PCDHGA9: variants seen among roughly 807,000 people sequenced by gnomAD.
PCDHGA9 encodes protocadherin gamma subfamily A, 9.
In PCDHGA9, 37 loss-of-function variants were observed where a neutral mutation model predicts 62.5. That is an observed-to-expected ratio of 0.59 (90% confidence interval 0.46 to 0.78). The LOEUF (loss-of-function observed/expected upper bound fraction) is 0.78, where lower values mean the gene tolerates loss of function less well. Ranked by LOEUF, PCDHGA9 falls within the 30% of genes least tolerant of loss-of-function variation. The pLI is 0.00. For missense variants in PCDHGA9, 1,138 were observed against 1,166.2 expected (o/e 0.98, Z 0.35); for synonymous variants, 459 against 484.6 (o/e 0.95, Z 0.69).
chr5:141,412,847 A>G (rs1206334568), intron 1 of PCDHGA9: 1 of 213,282 alleles, frequency 4.7e-6, no homozygotes, highest in Non-Finnish European at 9.1e-6. Flanking sequence ...AGGAGTGGAG[A>G]AACCAAAGAA....
chr5:141,418,848 G>T (rs770294020), intron 1 of PCDHGA9: 1 of 1,613,954 alleles, frequency 6.2e-7, no homozygotes, highest in Non-Finnish European at 8.5e-7. Flanking sequence ...CTCTCAACAC[G>T]GTGTAAAGTA....
chr5:141,486,909 C>A lies in PCDHGA9; in HGVS notation c.2425-7898C>A, dbSNP rs759702188. On this transcript the variant is annotated intron_variant, in intron 1 of 3. Coordinates refer to ENST00000573521, the MANE Select transcript of PCDHGA9 (RefSeq NM_018921.3). The surrounding 1 kb of genome is among the most constrained non-coding windows in gnomAD (Gnocchi z 5.0). ...CGGCCTGGTTCCTTATGTCCCCAAGCACTGCCTCCATCAGTTGGTGCTGGC... is the reference window on the plus strand; with the variant it reads ...CGGCCTGGTTCCTTATGTCCCCAAGAACTGCCTCCATCAGTTGGTGCTGGC... 3.1e-6 allele frequency: 5 copies of A among 1,614,262 alleles called. No individual in the cohort carries two copies. The East Asian group carries it at 1.1e-4, about 36-fold the overall frequency.
At chr5:141,415,801 A>G (rs560476453) in intron 1 of PCDHGA9, 12 of 1,373,384 alleles carry the variant, frequency 8.7e-6, no homozygotes, top group East Asian at 5.3e-5. Flanking sequence ...CCTAGTCTCA[A>G]TCAAGGCCTA....
intron 1 of PCDHGA9, among the ~76,000 whole-genome samples, chr5:141,437,990 C>G (rs1298325497): frequency 1.3e-5 from 2 of 152,148 alleles, no homozygotes; most frequent in Non-Finnish European, 2.9e-5. Flanking sequence ...CCCACCCCAC[C>G]TCAGCCTCCC....
chr5:141,451,443 C>A (rs1184838490), intron 1 of PCDHGA9, among the ~76,000 whole-genome samples: 1 of 152,176 alleles, frequency 6.6e-6, no homozygotes, highest in Non-Finnish European at 1.5e-5. Context: ...CAGTTCCTTG[C>A]TGGTTGTTAG....
intron 1 of PCDHGA9, chr5:141,413,606 TA>T (rs778210256): frequency 6.8e-6 from 11 of 1,613,848 alleles, no homozygotes; most frequent in Admixed American, 5.0e-5. Context: ...AATCTAGACG[TA>T]AAAATTAATG....
At chr5:141,408,797 C>T (rs965305130) in intron 1 of PCDHGA9, 1 of 1,612,958 alleles carries the variant, frequency 6.2e-7, no homozygotes, top group African/African-American at 1.3e-5. Flanking sequence ...TCTGGAGAAA[C>T]TCCTAGACCG....
intron 1 of PCDHGA9, among the ~76,000 whole-genome samples, chr5:141,451,717 A>G (rs2098722445): frequency 6.6e-6 from 1 of 152,166 alleles, no homozygotes; most frequent in Non-Finnish European, 1.5e-5. Context: ...CCCTGCCTCT[A>G]CTAAAAATAC....
intron 1 of PCDHGA9, among the ~76,000 whole-genome samples, chr5:141,465,343 TG>T (rs1048302340): frequency 1.5e-4 from 23 of 152,118 alleles, no homozygotes; most frequent in African/African-American, 5.3e-4. Flanking sequence ...TATTGGTTAC[TG>T]AAGAAAAAAT....
chr5:141,507,365 C>G (rs1279257057), intron 3 of PCDHGA9: 1 of 152,092 alleles, frequency 6.6e-6, no homozygotes, highest in African/African-American at 2.4e-5. Context: ...ACTGGGAGCC[C>G]TGTACTTTTA....
At chr5:141,418,535 G>GC in intron 1 of PCDHGA9, 1 of 1,614,002 alleles carries the variant, frequency 6.2e-7, no homozygotes, top group Non-Finnish European at 8.5e-7. Context: ...AAGCGGTACT[G>GC]CTCAGATAAG....
intron 1 of PCDHGA9, chr5:141,478,117 C>G (rs1419172538): frequency 1.3e-5 from 21 of 1,614,058 alleles, no homozygotes; most frequent in Non-Finnish European, 1.7e-5. Context: ...TGTCAGTAAC[C>G]GAGGACTCTC....
chr5:141,406,096 G>A (rs966441415), intron 1 of PCDHGA9, among the ~76,000 whole-genome samples: 1 of 150,800 alleles, frequency 6.6e-6, no homozygotes, highest in Non-Finnish European at 1.5e-5. Context: ...TTAAGAGATG[G>A]GGGTGTCATT....
At chr5:141,415,476 G>C in intron 1 of PCDHGA9, 1 of 1,614,194 alleles carries the variant, frequency 6.2e-7, no homozygotes, top group Non-Finnish European at 8.5e-7. Context: ...CCGCGGACTC[G>C]CGAAAGAGTC....
At chr5:141,413,763 G>A (rs964376306) in intron 1 of PCDHGA9, 6 of 1,612,814 alleles carry the variant, frequency 3.7e-6, no homozygotes, top group Non-Finnish European at 5.1e-6. Context: ...TCAAGTACCC[G>A]GAGCTGGTAC....
At chr5:141,420,458 CAA>C (rs1269245240) in intron 1 of PCDHGA9, 1 of 925,076 alleles carries the variant, frequency 1.1e-6, no homozygotes, top group Non-Finnish European at 1.5e-6. Context: ...TCCTACTATT[CAA>C]AGACATTTTA....
At chr5:141,422,318 G>A (rs778935746) in intron 1 of PCDHGA9, 10 of 1,548,110 alleles carry the variant, frequency 6.5e-6, no homozygotes, top group Non-Finnish European at 7.8e-6. Context: ...TCTCCTCCAG[G>A]TACAGTGATT....
intron 1 of PCDHGA9, chr5:141,423,850 A>G: frequency 1.6e-6 from 2 of 1,278,674 alleles, no homozygotes; most frequent in East Asian, 3.1e-5. Flanking sequence ...ATCTTTCAGA[A>G]CGTTTTTGTG....
chr5:141,405,527 C>T (rs1055420196), intron 1 of PCDHGA9, 151 bp downstream of exon 1: 7 of 670,510 alleles, frequency 1.0e-5, no homozygotes, highest in Non-Finnish European at 1.8e-5. Flanking sequence ...TCAAGCGATT[C>T]TCCTGCCTCA....
Sources: gnomAD v4.1 joint callset for allele counts (sites outside exome capture counted in the v4.1 genomes callset) on GRCh38, gnomAD v4.1.1 for gene constraint, Gnocchi (gnomAD v3.1) non-coding constraint, MANE v1.5 for transcripts, NCBI Gene and HGNC (gene_info 2026-07-23, HGNC 2026-07-21) for gene names.